Variants in TMEFF2 observed in about 807,000 individuals in gnomAD.
TMEFF2 encodes tomoregulin-2.
Under a neutral mutation model 53.8 loss-of-function variants are expected in TMEFF2, and 28 were observed. The ratio of observed to expected loss-of-function variants is 0.52; its 90% CI spans 0.39 to 0.71. The LOEUF is 0.71. Ranked by LOEUF, TMEFF2 falls within the 30% of genes least tolerant of loss-of-function variation. TMEFF2 has a pLI of 0.00. For synonymous variants in TMEFF2, 162 were observed against 166.3 expected (o/e 0.97, Z 0.20); for missense variants, 353 against 455.2 (o/e 0.78, Z 2.04).
chr2:192,152,088 G>C (rs1308116306), intron 4 of TMEFF2, among the ~76,000 whole-genome samples: 1 of 151,820 alleles, frequency 6.6e-6, no homozygotes, highest in Non-Finnish European at 1.5e-5. Context: ...ACCCACAAAA[G>C]AATAATGCAT....
intron 7 of TMEFF2, among the ~76,000 whole-genome samples, chr2:191,981,136 G>A (rs1685843260): frequency 6.6e-6 from 1 of 151,408 alleles, no homozygotes; most frequent in Admixed American, 6.6e-5. Context: ...CTCCCCTATT[G>A]AGCAGAAGAT....
chr2:192,173,557 ACTT>A, intron 4 of TMEFF2, among the ~76,000 whole-genome samples: 1 of 151,830 alleles, frequency 6.6e-6, no homozygotes, highest in African/African-American at 2.4e-5. Flanking sequence ...ACTCCCTCCT[ACTT>A]CTTCTTTATT....
intron 4 of TMEFF2, among the ~76,000 whole-genome samples, chr2:192,133,118 C>A (rs1324744892): frequency 6.6e-6 from 1 of 152,090 alleles, no homozygotes; most frequent in East Asian, 1.9e-4. Context: ...CCAACTTAGA[C>A]AATACTCTTT....
intron 3 of TMEFF2, among the ~76,000 whole-genome samples, chr2:192,182,577 GATT>G (rs976682487): frequency 2.6e-5 from 4 of 151,966 alleles, no homozygotes; most frequent in African/African-American, 9.7e-5. Flanking sequence ...AGGAGAATGT[GATT>G]ATATGCGCTG....
intron 7 of TMEFF2, among the ~76,000 whole-genome samples, chr2:191,992,919 G>C (rs13390564): frequency 0.018 from 2,675 of 152,160 alleles, 73 homozygotes; most frequent in African/African-American, 0.061. Flanking sequence ...TGCAGAGTCA[G>C]TCCCAAAGCT....
chr2:192,167,714 A>G (rs1022250031), intron 4 of TMEFF2, among the ~76,000 whole-genome samples: 2 of 152,186 alleles, frequency 1.3e-5, no homozygotes, highest in Admixed American at 6.6e-5. Flanking sequence ...ATAAAAGAGC[A>G]TGAGGACAGG....
chr2:192,102,187 T>C (rs945736039), intron 4 of TMEFF2, among the ~76,000 whole-genome samples: 1 of 152,002 alleles, frequency 6.6e-6, no homozygotes. Context: ...TATTATCACA[T>C]AAAAAAGAAA....
chr2:192,171,767 T>A (rs1395238453), intron 4 of TMEFF2, among the ~76,000 whole-genome samples: 1 of 151,894 alleles, frequency 6.6e-6, no homozygotes, highest in Non-Finnish European at 1.5e-5. Flanking sequence ...CACCCCAAAT[T>A]AGTAACCTCT....
At chr2:191,988,349 G>C (rs532516865) in intron 7 of TMEFF2, among the ~76,000 whole-genome samples, 1 of 152,280 alleles carries the variant, frequency 6.6e-6, no homozygotes, top group South Asian at 2.1e-4. Context: ...GAGTGGCTAG[G>C]GGTGTGAGGA....
intron 4 of TMEFF2, among the ~76,000 whole-genome samples, chr2:192,075,314 T>TATATAAATATAA (rs1688400441): frequency 5.0e-5 from 4 of 79,868 alleles, no homozygotes; most frequent in Non-Finnish European, 1.1e-4. Flanking sequence ...TATATATATA[T>TATATAAATATAA]ATATATATAT....
chr2:192,034,207 AAT>A (rs1485089953), intron 5 of TMEFF2, among the ~76,000 whole-genome samples: 1 of 152,068 alleles, frequency 6.6e-6, no homozygotes, highest in Non-Finnish European at 1.5e-5. Context: ...TTTTTTTATA[AAT>A]ATGATTTTGA....
intron 4 of TMEFF2, among the ~76,000 whole-genome samples, chr2:192,131,574 TGTGCCCCAATCCCTTATTTCC>T (rs933820749): frequency 6.6e-6 from 1 of 151,926 alleles, no homozygotes; most frequent in Non-Finnish European, 1.5e-5. Flanking sequence ...CTCTTATCTC[TGTGCCCCAATCCCTTATTTCC>T]GTGCCCCAAC....
intron 4 of TMEFF2, among the ~76,000 whole-genome samples, chr2:192,082,465 T>C (rs1688576304): frequency 6.6e-6 from 1 of 152,216 alleles, no homozygotes; most frequent in Admixed American, 6.5e-5. Flanking sequence ...TTTTCAATGC[T>C]ACCAAAAACA....
At chr2:192,016,814 T>G (rs1454197090) in intron 5 of TMEFF2, among the ~76,000 whole-genome samples, 3 of 152,194 alleles carry the variant, frequency 2.0e-5, no homozygotes, top group African/African-American at 4.8e-5. Flanking sequence ...AAGCAGAATT[T>G]TAGTGTTTTC....
intron 4 of TMEFF2, among the ~76,000 whole-genome samples, chr2:192,065,634 A>G (rs2884026): frequency 0.41 from 61,937 of 151,360 alleles, 14,529 homozygotes; most frequent in South Asian, 0.54. Context: ...ATAGTTCTTG[A>G]TAGGCTTATC....
At chr2:192,121,932 A>C (rs2105967136) in intron 4 of TMEFF2, among the ~76,000 whole-genome samples, 1 of 152,328 alleles carries the variant, frequency 6.6e-6, no homozygotes, top group South Asian at 2.1e-4. Context: ...ATGGATAAGG[A>C]GTACAAAATT....
chr2:192,098,187 A>G lies in TMEFF2; in HGVS notation c.440-40412T>C, dbSNP rs569724613. On this transcript the variant is annotated intron_variant, in intron 4 of 9. Transcript: ENST00000272771. ...TAGCTTACATGTTCTTTAAATACAA[A>G]AGTGACTTTTTGCTCAGTGAGTGCC... is the stretch of plus-strand genomic sequence containing the variant. Among the ~76,000 whole-genome samples, 5 of 152,350 alleles carry G rather than the reference A, an allele frequency of 3.3e-5. No individual in the cohort carries two copies. In the South Asian group the frequency reaches 1.0e-3, roughly 32 times the overall value.
Position 191,982,814 on chromosome 2 carries a change from CTTAATT to C in TMEFF2, c.745+15442_745+15447del, listed in dbSNP as rs534508802. Among the ~76,000 whole-genome samples the C allele has an allele frequency of 1.2e-3, 185 of 152,100 alleles. 1 individual carries two copies. The highest frequency in any genetic ancestry group is 4.3e-3 in the African/African-American group (179 of 41,508). On this transcript the variant is annotated intron_variant, in intron 7 of 9. Transcript: ENST00000272771. ...TATCAGAACAGCTCTTCTTTGACTC[CTTAATT>C]TTAAAAGTTTTGTTTATTTGTAAGG...
intron 4 of TMEFF2, among the ~76,000 whole-genome samples, chr2:192,149,362 T>G (rs1201394645): frequency 6.6e-6 from 1 of 151,862 alleles, no homozygotes; most frequent in African/African-American, 2.4e-5. Context: ...CGAGTGGGTG[T>G]GTATACAAGA....
Sources: gnomAD v4.1 joint callset for allele counts (sites outside exome capture counted in the v4.1 genomes callset) on GRCh38, gnomAD v4.1.1 for gene constraint, MANE v1.5 for transcripts, NCBI Gene and HGNC (gene_info 2026-07-23, HGNC 2026-07-21) for gene names.